GPRC5C: variants seen among roughly 807,000 people sequenced by gnomAD.
The protein encoded by GPRC5C is G protein-coupled receptor class C group 5 member C, also known as G protein-coupled receptor family C group 5 member C.
In GPRC5C, 22 loss-of-function variants were observed where a neutral mutation model predicts 31.4. The ratio of observed to expected loss-of-function variants is 0.70; its 90% CI spans 0.50 to 1.00. The LOEUF (loss-of-function observed/expected upper bound fraction) is 1.00, where lower values mean the gene tolerates loss of function less well. Ranked by LOEUF, GPRC5C falls within the 50% of genes least tolerant of loss-of-function variation. The pLI, the probability that GPRC5C is intolerant of heterozygous loss-of-function variation, is 0.00. For missense variants in GPRC5C, 557 were observed against 597.2 expected (o/e 0.93, Z 0.70); for synonymous variants, 249 against 257.5 (o/e 0.97, Z 0.32).
intron 1 of GPRC5C, among the ~76,000 whole-genome samples, chr17:74,434,692 G>T (rs8076761): frequency 6.6e-6 from 1 of 152,212 alleles, no homozygotes; most frequent in Non-Finnish European, 1.5e-5. Context: ...AGAGGCTGAG[G>T]TAGGTGGATC....
chr17:74,440,889 C>T lies in GPRC5C; in HGVS notation c.1051+62C>T. The T allele has an allele frequency of 1.5e-6, 2 of 1,372,878 alleles. No individual in the cohort carries two copies. Among genetic ancestry groups the T allele is most frequent in the Non-Finnish European group, 9.6e-7 (1 of 1,045,194 alleles). The allele number at this position is 1,372,878 out of a possible 1,614,324, so 85.0% of individuals were successfully genotyped here. A position where few individuals can be genotyped will look rare whatever the true frequency, so the allele number is the denominator to read the frequency against. On this transcript the variant is annotated intron_variant, in intron 2 of 3. Transcript: ENST00000392627. The surrounding 1 kb of genome is among the most constrained non-coding windows in gnomAD (Gnocchi z 4.4). ...CCATCCCATGTCTTTTACTGCAGGACAGGGAGCCAGTCTCTTGAGCAAAAT... is the reference window on the plus strand; with the variant it reads ...CCATCCCATGTCTTTTACTGCAGGATAGGGAGCCAGTCTCTTGAGCAAAAT...
At chr17:74,444,035 C>A in intron 3 of GPRC5C, 123 bp downstream of exon 3, 1 of 680,232 alleles carries the variant, frequency 1.5e-6, no homozygotes, top group East Asian at 2.8e-5. Context: ...GGAAGGCAAG[C>A]TTCTCCATCT....
downstream of GPRC5C, chr17:74,449,351 G>C (rs1476508257): frequency 7.7e-7 from 1 of 1,302,562 alleles, no homozygotes; most frequent in East Asian, 5.6e-5. Context: ...TCCCCACAAA[G>C]TAAAACGAGA....
At chr17:74,448,525 G>GCC (rs2055675987), downstream of GPRC5C, among the ~76,000 whole-genome samples, 1 of 152,066 alleles carries the variant, frequency 6.6e-6, no homozygotes, top group Non-Finnish European at 1.5e-5. Flanking sequence ...TTATAGACAT[G>GCC]TGCCACCACA....
chr17:74,432,543 C>G (rs1235773789), intron 1 of GPRC5C: 2 of 993,090 alleles, frequency 2.0e-6, no homozygotes, highest in Non-Finnish European at 1.2e-6. Context: ...GCTGCCTTCC[C>G]GCTCCGCCGC....
At chr17:74,435,430 T>C (rs1313560892) in intron 1 of GPRC5C, among the ~76,000 whole-genome samples, 2 of 152,154 alleles carry the variant, frequency 1.3e-5, no homozygotes, top group African/African-American at 2.4e-5. Flanking sequence ...ACCAGAGAAA[T>C]AAGATATTTC....
chr17:74,442,780 G>A (rs2055561109), intron 2 of GPRC5C, among the ~76,000 whole-genome samples: 1 of 152,224 alleles, frequency 6.6e-6, no homozygotes, highest in Non-Finnish European at 1.5e-5. Context: ...CACCTGGGCT[G>A]AGGTGCTGGC....
chr17:74,440,570 AC>A lies in GPRC5C; in HGVS notation c.795del (p.Tyr265Ter), dbSNP rs747640001. 1 of 1,613,736 alleles carries A rather than the reference AC, an allele frequency of 6.2e-7. No individual in the cohort carries two copies. The highest frequency in any genetic ancestry group is 1.3e-5 in the African/African-American group (1 of 74,806). ...GTGGTGTGGATCGTCATGTATACTT[AC>A]GGCAACAAGCAGCACAACAGTCCCA... ...IWVVWIVMYTYGNKQHNSPTW... is the reference protein window; with the variant it reads ...IWVVWIVMYTXGNKQHNSPTW... On this transcript the variant is annotated frameshift_variant, in exon 2 of 4. Coordinates refer to ENST00000392627, the MANE Select transcript of GPRC5C (RefSeq NM_022036.4). LOFTEE classifies it high-confidence loss of function. The surrounding 1 kb of genome is among the most constrained non-coding windows in gnomAD (Gnocchi z 4.4).
intron 1 of GPRC5C, among the ~76,000 whole-genome samples, chr17:74,438,031 C>G (rs2055459727): frequency 6.6e-6 from 1 of 150,918 alleles, no homozygotes; most frequent in Non-Finnish European, 1.5e-5. Context: ...TTTTTCTTTT[C>G]TTTTCTTTTC....
intron 1 of GPRC5C, 144 bp from the exon 2 acceptor site, chr17:74,439,601 G>A: frequency 1.3e-6 from 1 of 751,310 alleles, no homozygotes; most frequent in Non-Finnish European, 2.2e-6. Context: ...GGGGTTCTAT[G>A]TTAAGAAGGA....
Position 74,440,586 on chromosome 17 carries a change from C to A in GPRC5C, c.810C>A (p.His270Gln). The A allele has an allele frequency of 1.9e-6, 3 of 1,614,130 alleles. No individual in the cohort carries two copies. The highest frequency in any genetic ancestry group is 2.5e-6 in the Non-Finnish European group (3 of 1,179,956). ...IVMYTYGNKQ[H>Q]NSPTWDDPTL... ...TGTATACTTACGGCAACAAGCAGCACAACAGTCCCACCTGGGATGACCCCA... is the reference window on the plus strand; with the variant it reads ...TGTATACTTACGGCAACAAGCAGCAAAACAGTCCCACCTGGGATGACCCCA... Residue 270 changes from histidine (H) to glutamine (Q), a missense_variant, in exon 2 of 4, where the codon CAC becomes CAA. Physicochemically the swap from His to Gln is conservative, Grantham distance 24. Transcript: ENST00000392627. This position sits in a 1 kb window ranked among gnomAD's most constrained non-coding sequence, Gnocchi z 4.4.
chr17:74,444,275 G>A (rs2055591590), intron 3 of GPRC5C, among the ~76,000 whole-genome samples: 1 of 152,168 alleles, frequency 6.6e-6, no homozygotes, highest in Non-Finnish European at 1.5e-5. Context: ...GTCTCAGCCA[G>A]GTGCTCCCAA....
chr17:74,448,466 C>T (rs1188677233), downstream of GPRC5C, among the ~76,000 whole-genome samples: 1 of 152,172 alleles, frequency 6.6e-6, no homozygotes, highest in Non-Finnish European at 1.5e-5. Flanking sequence ...CAACCTCCGC[C>T]TCCCAGGTTC....
chr17:74,433,027 G>T (rs977545094), intron 1 of GPRC5C, among the ~76,000 whole-genome samples: 7 of 152,056 alleles, frequency 4.6e-5, no homozygotes, highest in Middle Eastern at 3.4e-3. Flanking sequence ...CTATCAAAGC[G>T]CCTCCCCTTC....
At chr17:74,434,917 TC>T (rs1598426301) in intron 1 of GPRC5C, among the ~76,000 whole-genome samples, 1 of 143,822 alleles carries the variant, frequency 7.0e-6, no homozygotes, top group East Asian at 2.1e-4. Flanking sequence ...GAGTGAAGCT[TC>T]GTCTCAAGAA....
intron 1 of GPRC5C, among the ~76,000 whole-genome samples, chr17:74,436,508 A>G (rs919047606): frequency 6.6e-6 from 1 of 151,956 alleles, no homozygotes; most frequent in African/African-American, 2.4e-5. Context: ...GTGGCCCTTA[A>G]TCATATTCTT....
chr17:74,448,545 CTT>C (rs368311847), downstream of GPRC5C, among the ~76,000 whole-genome samples: 1 of 151,956 alleles, frequency 6.6e-6, no homozygotes, highest in African/African-American at 2.4e-5. Flanking sequence ...ACCTGGCTAA[CTT>C]TTTGTATTTT....
At position 74,447,293 on chromosome 17, in the gene GPRC5C, CG is replaced by C. The variant is rs2144453554; in HGVS notation, c.*269del. ...TCACACTCCAGCCAAATAGTGTTCTCGGGGTGGTGGCTGGGCAGCGCCTATG... is the reference window on the plus strand; with the variant it reads ...TCACACTCCAGCCAAATAGTGTTCTCGGGTGGTGGCTGGGCAGCGCCTATG... On this transcript the variant is annotated 3_prime_UTR_variant, in exon 4 of 4. Coordinates refer to ENST00000392627, the MANE Select transcript of GPRC5C (RefSeq NM_022036.4). 8.2e-7 allele frequency: 1 copy of C among 1,222,220 alleles called. No individual in the cohort carries two copies. The highest frequency in any genetic ancestry group is 3.6e-5 in the East Asian group (1 of 27,518). The allele number at this position is 1,222,220 out of a possible 1,614,324, so 75.7% of individuals were successfully genotyped here.
chr17:74,451,420 G>A (rs374498798), downstream of GPRC5C: 1 of 152,336 alleles, frequency 6.6e-6, no homozygotes, highest in East Asian at 1.9e-4. Context: ...TGGAGAAGAA[G>A]TTAGATGAGT....
Sources: allele counts gnomAD v4.1 joint callset (sites outside exome capture counted in the v4.1 genomes callset), GRCh38; gene constraint gnomAD v4.1.1; non-coding constraint Gnocchi (gnomAD v3.1); transcripts MANE v1.5; gene names NCBI Gene and HGNC (gene_info 2026-07-23, HGNC 2026-07-21).